Variants in ALG8 observed in about 807,000 individuals in gnomAD.
ALG8 encodes the protein dolichyl pyrophosphate Glc1Man9GlcNAc2 alpha-1,3-glucosyltransferase.
A neutral mutation model predicts 70.2 loss-of-function variants in ALG8; 48 were observed. That is an observed-to-expected ratio of 0.68 (90% CI 0.54 to 0.87). The LOEUF is 0.87. Among genes scored for constraint, ALG8 ranks in the 40% least tolerant of loss-of-function variants. The pLI is 0.00. For missense variants in ALG8, 572 were observed against 608.7 expected (o/e 0.94, Z 0.64); for synonymous variants, 234 against 229.0 (o/e 1.02, Z -0.20).
chr11:78,120,298 T>A (rs1860765707), intron 4 of ALG8, among the ~76,000 whole-genome samples: 1 of 152,114 alleles, frequency 6.6e-6, no homozygotes, highest in African/African-American at 2.4e-5. Context: ...TTTTTTAGAA[T>A]TAGGGATGAG....
rs192331925 is a variant in ALG8, at chr11:78,117,899, G to A, written c.546+1283C>T. Among the ~76,000 whole-genome samples, 368 of 151,828 alleles carry A rather than the reference G, an allele frequency of 2.4e-3. 1 individual carries two copies. Among genetic ancestry groups the A allele is most frequent in the Admixed American group, 6.6e-3 (101 of 15,244 alleles). On this transcript the variant is annotated intron_variant, in intron 5 of 12. Coordinates refer to ENST00000299626, the MANE Select transcript of ALG8 (RefSeq NM_024079.5). ...ACCATACTGTAAATGGTGAAACTCC[G>A]TCTCTACTAAAAATACAAAAAATTA...
At chr11:78,126,037 T>G (rs1027452684) in intron 2 of ALG8, among the ~76,000 whole-genome samples, 3 of 151,662 alleles carry the variant, frequency 2.0e-5, no homozygotes, top group African/African-American at 7.3e-5. Flanking sequence ...CGGGCGCCTG[T>G]AGTCCCAGCT....
In ALG8 at chr11:78,139,566, G is replaced by A. The variant is rs1335371387; in HGVS notation, c.23C>T (p.Thr8Met). 3.2e-6 allele frequency: 5 copies of A among 1,558,342 alleles called. No individual in the cohort carries two copies. Among genetic ancestry groups the A allele is most frequent in the South Asian group, 2.4e-5 (2 of 84,498 alleles). The change falls in exon 1 of 13, where the codon ACG (threonine) becomes ATG (methionine). Residue 8 changes from threonine to methionine, a missense_variant. Physicochemically the swap from Thr to Met is moderately conservative, Grantham distance 81 (BLOSUM62 -1). Coordinates refer to ENST00000299626, the MANE Select transcript of ALG8 (RefSeq NM_024079.5). MAALTIATGTGNWFSALA... is the reference protein window; with the variant it reads MAALTIAMGTGNWFSALA... ...AGCCGAAAACCAATTGCCAGTACCC[G>A]TGGCAATTGTGAGCGCCGCCATTGC...
At chr11:78,110,869 G>T (rs1860255711) in intron 8 of ALG8, among the ~76,000 whole-genome samples, 1 of 152,110 alleles carries the variant, frequency 6.6e-6, no homozygotes, top group Non-Finnish European at 1.5e-5. Context: ...AAACAAAGTT[G>T]TCTAACTCTG....
intron 2 of ALG8, 67 bp from the exon 3 acceptor site, chr11:78,124,281 T>C: frequency 1.3e-6 from 2 of 1,538,508 alleles, no homozygotes; most frequent in South Asian, 2.2e-5. Context: ...TGCAACGATT[T>C]AAAATTTTTC....
At chr11:78,112,411 C>T in intron 8 of ALG8, 1 of 466,106 alleles carries the variant, frequency 2.1e-6, no homozygotes, top group Non-Finnish European at 3.9e-6. Flanking sequence ...TTATTTTTTC[C>T]CCAGGAAAGG....
rs200575151 is a variant in ALG8, at chr11:78,104,420, C to T, written c.1212G>A (p.Ser404=). The change falls in exon 11 of 13, where the codon TCG becomes TCA. Residue 404 remains serine (S), a synonymous_variant. Transcript: ENST00000299626. ...LLSVGKAGDA[S]IFLILTTTGH... ...CTGTTGTGGTCAGAATCAGAAAAATCGAAGCGTCTCCTGCTTTTCCCACAG... is the reference window on the plus strand; with the variant it reads ...CTGTTGTGGTCAGAATCAGAAAAATTGAAGCGTCTCCTGCTTTTCCCACAG... 34 of 1,596,242 alleles carry T rather than the reference C, an allele frequency of 2.1e-5. No homozygotes were observed. Among genetic ancestry groups the T allele is most frequent in the Middle Eastern group, 1.7e-4 (1 of 6,060 alleles).
chr11:78,101,062 T>G lies in ALG8; in HGVS notation c.1483A>C (p.Thr495Pro). ...ATGCCTACTGCACAATACACTGAGG[T>G]TAGTAACAAAGGGATGAAGGGGTAC... ...VKYPFIPLLL[T>P]SVYCAVGITY... is the part of the protein sequence containing the mutation. Residue 495 changes from threonine (T) to proline (P), a missense_variant, in exon 13 of 13, where the codon ACC becomes CCC. Transcript: ENST00000299626. 1.9e-6 allele frequency: 3 copies of G among 1,614,068 alleles called. No homozygotes were observed. Among genetic ancestry groups the G allele is most frequent in the Non-Finnish European group, 2.5e-6 (3 of 1,179,990 alleles).
intron 1 of ALG8, chr11:78,135,377 C>T (rs1861497659): frequency 6.6e-6 from 1 of 151,232 alleles, no homozygotes; most frequent in Non-Finnish European, 1.5e-5. Flanking sequence ...AAATCAACTA[C>T]TCAACTGGCT....
intron 10 of ALG8, among the ~76,000 whole-genome samples, chr11:78,105,602 G>C (rs1281753684): frequency 6.8e-6 from 1 of 147,214 alleles, no homozygotes; most frequent in African/African-American, 2.5e-5. Flanking sequence ...CCAGTAGTTT[G>C]AGACCAGCCT....
At chr11:78,108,737 T>C (rs1217095975) in intron 9 of ALG8, among the ~76,000 whole-genome samples, 6 of 152,242 alleles carry the variant, frequency 3.9e-5, no homozygotes, top group Non-Finnish European at 8.8e-5. Context: ...AGAGCTTAAT[T>C]ATCTACATAC....
Position 78,126,853 on chromosome 11 carries a change from A to G in ALG8, c.174+505T>C, listed in dbSNP as rs1314171914. Among the ~76,000 whole-genome samples the G allele has an allele frequency of 3.9e-5, 6 of 152,322 alleles. No individual in the cohort carries two copies. In the East Asian group the frequency reaches 1.2e-3, roughly 29 times the overall value. The stretch of plus-strand genomic sequence containing the variant: ...TATTCTTTCAAAAAGTGTGGTAGAT[A>G]TTATACCTCCCAATTTATAGACTGG... On this transcript the variant is annotated intron_variant, in intron 2 of 12. Coordinates refer to ENST00000299626, the MANE Select transcript of ALG8 (RefSeq NM_024079.5).
intron 10 of ALG8, 64 bp downstream of exon 10, chr11:78,106,743 C>A: frequency 1.2e-6 from 2 of 1,604,770 alleles, no homozygotes; most frequent in South Asian, 1.1e-5. Flanking sequence ...AGGGACAGAG[C>A]AAATAGAAAA....
intron 7 of ALG8, among the ~76,000 whole-genome samples, chr11:78,113,369 A>ACG (rs1860390943): frequency 6.8e-6 from 1 of 146,286 alleles, no homozygotes; most frequent in African/African-American, 2.6e-5. Context: ...AAACATATAC[A>ACG]TGTATATATA....
At chr11:78,138,640 G>A (rs1861654769) in intron 1 of ALG8, 1 of 447,742 alleles carries the variant, frequency 2.2e-6, no homozygotes, top group Non-Finnish European at 4.5e-6. Context: ...AAGGGATGAG[G>A]GAGAAAAAGA....
chr11:78,115,887 AAAG>A (rs1195138659), intron 5 of ALG8, among the ~76,000 whole-genome samples: 1 of 152,222 alleles, frequency 6.6e-6, no homozygotes, highest in South Asian at 2.1e-4. Context: ...GTTGATTTCC[AAAG>A]AAGGGCTGGG....
At chr11:78,127,278 G>A (rs942528998) in intron 2 of ALG8, 80 bp downstream of exon 2, 35 of 1,347,586 alleles carry the variant, frequency 2.6e-5, no homozygotes, top group Admixed American at 7.5e-5. Context: ...CACCCAGCCA[G>A]AAAACATTTT....
At chr11:78,111,082 C>T (rs970961781) in intron 8 of ALG8, among the ~76,000 whole-genome samples, 23 of 152,178 alleles carry the variant, frequency 1.5e-4, no homozygotes, top group Admixed American at 6.5e-4. Flanking sequence ...GTGAGCAACA[C>T]GGTGACACAA....
In ALG8 at chr11:78,136,306, GAA is replaced by G. The variant is rs56313232; in HGVS notation, c.95+3186_95+3187del. Among the ~76,000 whole-genome samples the G allele has an allele frequency of 4.7e-4, 61 of 128,984 alleles. 1 individual carries two copies. Among genetic ancestry groups the G allele is most frequent in the Middle Eastern group, 7.8e-3 (2 of 258 alleles). The allele number at this position is 128,984 out of a possible 152,430, so 84.6% of individuals were successfully genotyped here. ...AGTGACACCTCGTCTCTACCAAAAA[GAA>G]AAAAAAAAAACAAACCAAAACAAAA... On this transcript the variant is annotated intron_variant, in intron 1 of 12. Coordinates refer to ENST00000299626, the MANE Select transcript of ALG8 (RefSeq NM_024079.5).
Sources: allele counts gnomAD v4.1 joint callset (sites outside exome capture counted in the v4.1 genomes callset), GRCh38; gene constraint gnomAD v4.1.1; transcripts MANE v1.5; gene names NCBI Gene and HGNC (gene_info 2026-07-23, HGNC 2026-07-21).